KIAA0825: variants seen among roughly 807,000 people sequenced by gnomAD.
The protein encoded by KIAA0825 is KIAA0825, also known as uncharacterized protein KIAA0825.
Under a neutral mutation model 147.6 loss-of-function variants are expected in KIAA0825, and 119 were observed. That is an observed-to-expected ratio of 0.81 (90% confidence interval 0.69 to 0.94). KIAA0825 has a LOEUF of 0.94. KIAA0825 is among the 40% of genes least tolerant of loss of function. KIAA0825 has a pLI of 0.00. For synonymous variants in KIAA0825, 470 were observed against 518.1 expected (o/e 0.91, Z 1.26); for missense variants, 1,381 against 1,472.7 (o/e 0.94, Z 1.02).
chr5:94,509,973 A>G (rs1489035680), intron 5 of KIAA0825, among the ~76,000 whole-genome samples: 1 of 152,186 alleles, frequency 6.6e-6, no homozygotes, highest in African/African-American at 2.4e-5. Flanking sequence ...AATGATTATT[A>G]TAATTCATTT....
At chr5:94,340,473 A>C (rs1782258070) in intron 20 of KIAA0825, among the ~76,000 whole-genome samples, 1 of 152,092 alleles carries the variant, frequency 6.6e-6, no homozygotes, top group Non-Finnish European at 1.5e-5. Flanking sequence ...AATGAAGACA[A>C]ATTTTGGTTC....
chr5:94,173,782 A>G (rs1412976732), intron 20 of KIAA0825, among the ~76,000 whole-genome samples: 1 of 152,166 alleles, frequency 6.6e-6, no homozygotes, highest in Non-Finnish European at 1.5e-5. Context: ...TAGAAAATAC[A>G]ATCCACCACA....
At chr5:94,174,743 C>T (rs1768932541) in intron 20 of KIAA0825, among the ~76,000 whole-genome samples, 1 of 152,184 alleles carries the variant, frequency 6.6e-6, no homozygotes, top group South Asian at 2.1e-4. Flanking sequence ...CTTCCTACCA[C>T]ATCCAGTTAC....
intron 20 of KIAA0825, among the ~76,000 whole-genome samples, chr5:94,330,961 C>T (rs1390940283): frequency 6.6e-6 from 1 of 151,836 alleles, no homozygotes; most frequent in Admixed American, 6.6e-5. Flanking sequence ...ATTGTGAAAC[C>T]CCATCTCTAC....
chr5:94,352,168 A>G (rs1269427549), intron 20 of KIAA0825, among the ~76,000 whole-genome samples: 2 of 152,238 alleles, frequency 1.3e-5, no homozygotes, highest in East Asian at 3.8e-4. Context: ...CAATCTATAC[A>G]TCTGACAAAG....
intron 1 of KIAA0825, among the ~76,000 whole-genome samples, chr5:94,616,450 A>G (rs762821324): frequency 7.9e-5 from 12 of 152,302 alleles, no homozygotes; most frequent in Middle Eastern, 3.4e-3. Context: ...GGAACAGCAC[A>G]GTTTTGCTAA....
intron 20 of KIAA0825, among the ~76,000 whole-genome samples, chr5:94,336,532 T>C (rs1051674407): frequency 6.6e-6 from 1 of 151,900 alleles, no homozygotes; most frequent in Non-Finnish European, 1.5e-5. Flanking sequence ...CGTTCCTGTG[T>C]TAGTCTGCTG....
intron 20 of KIAA0825, among the ~76,000 whole-genome samples, chr5:94,185,799 A>G (rs1770065578): frequency 6.6e-6 from 1 of 152,236 alleles, no homozygotes; most frequent in Non-Finnish European, 1.5e-5. Context: ...AGATTTTAAA[A>G]TTAGAAAATA....
At chr5:94,602,729 A>T (rs116838308) in intron 1 of KIAA0825, among the ~76,000 whole-genome samples, 7,020 of 152,138 alleles carry the variant, frequency 0.046, 236 homozygotes, top group Non-Finnish European at 0.065. Context: ...CTTGTGAAAA[A>T]AGAAGTGTTT....
At chr5:94,520,959 G>A (rs1562588334) in intron 4 of KIAA0825, 42 bp from the exon 5 acceptor site, 7 of 1,399,266 alleles carry the variant, frequency 5.0e-6, no homozygotes, top group Admixed American at 2.5e-5. Context: ...AAGTGCAATA[G>A]AAAAAATGAT....
chr5:94,453,063 A>G lies in KIAA0825; in HGVS notation c.2253T>C (p.Phe751=). ...AAGCAGACTCATCCAGGCCATGCTG[A>G]AAAGTCCTAGGGAAATACAAATAAT... ...TSPLTELYKT[F]QHGLDESASD... is the part of the protein sequence containing the mutation. Residue 751 remains phenylalanine, a synonymous_variant, in exon 13 of 21, where the codon TTT becomes TTC. Transcript: ENST00000682413. 1 of 1,501,540 alleles carries G rather than the reference A, an allele frequency of 6.7e-7. No individual in the cohort carries two copies. Among genetic ancestry groups the G allele is most frequent in the Non-Finnish European group, 8.9e-7 (1 of 1,119,066 alleles). 93.0% of individuals were successfully genotyped at this position (1,501,540 alleles called of 1,614,324 possible).
intron 1 of KIAA0825, among the ~76,000 whole-genome samples, chr5:94,608,365 G>T (rs181999951): frequency 8.0e-6 from 1 of 125,314 alleles, no homozygotes; most frequent in Non-Finnish European, 1.6e-5. Flanking sequence ...AAGTTCAAGT[G>T]ATTCTCATGC....
chr5:94,260,507 GT>G (rs1776438706), intron 20 of KIAA0825, among the ~76,000 whole-genome samples: 1 of 152,142 alleles, frequency 6.6e-6, no homozygotes, highest in Non-Finnish European at 1.5e-5. Flanking sequence ...TCAGGGAGTT[GT>G]CCAGGTTTAA....
chr5:94,205,619 T>G (rs1311344440), intron 20 of KIAA0825, among the ~76,000 whole-genome samples: 5 of 152,152 alleles, frequency 3.3e-5, no homozygotes, highest in Non-Finnish European at 7.4e-5. Flanking sequence ...TATAGTATTT[T>G]ACTTTGATTC....
intron 20 of KIAA0825, among the ~76,000 whole-genome samples, chr5:94,159,660 G>A (rs1055804514): frequency 2.0e-5 from 3 of 152,030 alleles, no homozygotes; most frequent in African/African-American, 7.2e-5. Context: ...TTTCATGAGG[G>A]AAATGTTTCA....
At chr5:94,502,965 T>C (rs1276571443) in intron 5 of KIAA0825, among the ~76,000 whole-genome samples, 2 of 151,392 alleles carry the variant, frequency 1.3e-5, no homozygotes, top group Non-Finnish European at 2.9e-5. Context: ...AAAAATTAGC[T>C]GGGCATGGTG....
chr5:94,375,601 G>A (rs1747444228), intron 20 of KIAA0825, among the ~76,000 whole-genome samples: 1 of 152,098 alleles, frequency 6.6e-6, no homozygotes, highest in Non-Finnish European at 1.5e-5. Flanking sequence ...CTAGAAAAGG[G>A]CTCTTTTTCC....
intron 20 of KIAA0825, among the ~76,000 whole-genome samples, chr5:94,269,980 C>T (rs1776911191): frequency 6.6e-6 from 1 of 151,940 alleles, no homozygotes; most frequent in Non-Finnish European, 1.5e-5. Context: ...GCCAATACTG[C>T]AGAAATTCAA....
intron 20 of KIAA0825, among the ~76,000 whole-genome samples, chr5:94,203,256 T>A (rs1478802594): frequency 6.6e-6 from 1 of 152,208 alleles, no homozygotes; most frequent in African/African-American, 2.4e-5. Flanking sequence ...TGTAGTAACC[T>A]TGTAGCCCTT....
Sources: gnomAD v4.1 joint callset for allele counts (sites outside exome capture counted in the v4.1 genomes callset) on GRCh38, gnomAD v4.1.1 for gene constraint, MANE v1.5 for transcripts, NCBI Gene and HGNC (gene_info 2026-07-23, HGNC 2026-07-21) for gene names.